Variants in SLC35D4 observed in about 807,000 individuals in gnomAD.
SLC35D4 encodes the protein solute carrier family 35 member D4.
the SLC35D4 span, among the ~76,000 whole-genome samples, chr18:23,428,223 A>T: frequency 3.3e-3 from 499 of 152,272 alleles, 4 homozygotes; most frequent in South Asian, 0.017. Flanking sequence ...TAAAACCTCA[A>T]TGAAAATAAA....
chr18:23,257,420 C>CACTT, the SLC35D4 span: 7 of 1,518,594 alleles, frequency 4.6e-6, no homozygotes, highest in African/African-American at 1.4e-5. Context: ...GGTGGAGCAG[C>CACTT]ACTTACTTAC....
At chr18:23,276,580 G>T in the SLC35D4 span, among the ~76,000 whole-genome samples, 1 of 152,078 alleles carries the variant, frequency 6.6e-6, no homozygotes, top group Non-Finnish European at 1.5e-5. Flanking sequence ...TGTGGTGCTG[G>T]TATTTCATAG....
At chr18:23,353,466 A>T in the SLC35D4 span, among the ~76,000 whole-genome samples, 123 of 152,288 alleles carry the variant, frequency 8.1e-4, no homozygotes, top group African/African-American at 2.9e-3. Context: ...TGTCAGGTTG[A>T]ATTGGAAGCA....
At chr18:23,274,387 G>A in the SLC35D4 span, among the ~76,000 whole-genome samples, 1 of 152,252 alleles carries the variant, frequency 6.6e-6, no homozygotes, top group African/African-American at 2.4e-5. Context: ...TTATAAAGAG[G>A]TAGATAATTC....
chr18:23,354,273 G>A, the SLC35D4 span, among the ~76,000 whole-genome samples: 13 of 151,034 alleles, frequency 8.6e-5, no homozygotes, highest in Admixed American at 2.6e-4. Context: ...AGGCCGAGGC[G>A]GGCGGATCAC....
the SLC35D4 span, among the ~76,000 whole-genome samples, chr18:23,325,322 G>A: frequency 6.6e-6 from 1 of 152,046 alleles, no homozygotes; most frequent in African/African-American, 2.4e-5. Flanking sequence ...TAAAAAGGTA[G>A]ATCAATTCAG....
chr18:23,240,240 G>A, the SLC35D4 span, among the ~76,000 whole-genome samples: 2 of 152,220 alleles, frequency 1.3e-5, no homozygotes, highest in Non-Finnish European at 2.9e-5. Flanking sequence ...AGGGCTGAGA[G>A]TGGTTGGCCC....
the SLC35D4 span, among the ~76,000 whole-genome samples, chr18:23,404,083 A>T: frequency 6.6e-6 from 1 of 152,008 alleles, no homozygotes; most frequent in African/African-American, 2.4e-5. Context: ...GTGCCACTGC[A>T]CTCCAGCCTG....
the SLC35D4 span, among the ~76,000 whole-genome samples, chr18:23,242,972 TGATTA>T: frequency 2.6e-5 from 4 of 151,804 alleles, no homozygotes; most frequent in Non-Finnish European, 5.9e-5. Context: ...ATGAGGTAGG[TGATTA>T]GATTCTGCCT....
chr18:23,340,445 G>A, the SLC35D4 span, among the ~76,000 whole-genome samples: 1 of 152,172 alleles, frequency 6.6e-6, no homozygotes, highest in African/African-American at 2.4e-5. Context: ...GGCAAGTGAG[G>A]TGCCTAGGCT....
the SLC35D4 span, among the ~76,000 whole-genome samples, chr18:23,395,087 A>T: frequency 1.3e-5 from 2 of 151,760 alleles, no homozygotes; most frequent in Admixed American, 1.3e-4. Context: ...CTGTATTGCC[A>T]CTGAGCCCAC....
chr18:23,256,639 C>G, the SLC35D4 span, among the ~76,000 whole-genome samples: 6 of 152,060 alleles, frequency 3.9e-5, no homozygotes, highest in African/African-American at 1.4e-4. Context: ...CACCGCCACG[C>G]CCGGCTCATT....
the SLC35D4 span, among the ~76,000 whole-genome samples, chr18:23,279,873 T>C: frequency 6.6e-6 from 1 of 152,156 alleles, no homozygotes; most frequent in Admixed American, 6.5e-5. Flanking sequence ...ATGTATTTTT[T>C]CCCCTTAAAT....
At chr18:23,385,156 C>A in the SLC35D4 span, 1 of 1,313,490 alleles carries the variant, frequency 7.6e-7, no homozygotes, top group Non-Finnish European at 1.1e-6. Context: ...AAATAAAGAG[C>A]TGTGGAAACT....
chr18:23,436,987 G>T, the SLC35D4 span, among the ~76,000 whole-genome samples: 1 of 152,078 alleles, frequency 6.6e-6, no homozygotes, highest in Non-Finnish European at 1.5e-5. Context: ...AGACCCCACA[G>T]TGGGGCCAGG....
chr18:23,419,594 A>AT, the SLC35D4 span, among the ~76,000 whole-genome samples: 1 of 152,032 alleles, frequency 6.6e-6, no homozygotes, highest in African/African-American at 2.4e-5. Flanking sequence ...CCTGGCCTAA[A>AT]TTTCTTTTAA....
the SLC35D4 span, chr18:23,309,878 C>T: frequency 1.2e-6 from 1 of 839,678 alleles, no homozygotes. Flanking sequence ...CTTCCCGTGT[C>T]CTTTTCCCCA....
At chr18:23,296,019 G>A in the SLC35D4 span, 2 of 152,122 alleles carry the variant, frequency 1.3e-5, no homozygotes, top group African/African-American at 4.8e-5. Flanking sequence ...ACCATTTTGT[G>A]TAAATTCATT....
At chr18:23,249,185 C>T in the SLC35D4 span, among the ~76,000 whole-genome samples, 1 of 152,244 alleles carries the variant, frequency 6.6e-6, no homozygotes, top group Non-Finnish European at 1.5e-5. Context: ...ATCAGAGCAT[C>T]CAATAGGAGG....
Sources: gnomAD v4.1 joint callset for allele counts (sites outside exome capture counted in the v4.1 genomes callset) on GRCh38, gnomAD v4.1.1 for gene constraint, MANE v1.5 for transcripts, NCBI Gene and HGNC (gene_info 2026-07-23, HGNC 2026-07-21) for gene names.